KLF8: variants seen among roughly 807,000 people sequenced by gnomAD.
KLF8 encodes Krueppel-like factor 8.
KLF8 carries 10 observed loss-of-function variants against 18.2 expected under a neutral mutation model. The ratio of observed to expected loss-of-function variants is 0.55; its 90% CI spans 0.34 to 0.93. KLF8 has a LOEUF of 0.93. Among genes scored for constraint, KLF8 ranks in the 40% least tolerant of loss-of-function variants. The probability of loss-of-function intolerance (pLI) is 0.02; values close to 1 mark genes in which losing one functional copy is unlikely to be tolerated. For synonymous variants in KLF8, 109 were observed against 97.3 expected (o/e 1.12, Z -0.71); for missense variants, 264 against 277.9 (o/e 0.95, Z 0.36).
chrX:56,119,016 G>A, the KLF8 span, among the ~76,000 whole-genome samples: 3 of 110,396 alleles, frequency 2.7e-5, no homozygotes, highest in Middle Eastern at 4.7e-3. Context: ...AATGTTGTAT[G>A]TAACTCTGTT....
the KLF8 span, among the ~76,000 whole-genome samples, chrX:56,177,230 G>A: frequency 9.0e-6 from 1 of 111,231 alleles, no homozygotes; most frequent in African/African-American, 3.3e-5. Context: ...CATCTTTGTG[G>A]TTTTATCTAC....
the KLF8 span, among the ~76,000 whole-genome samples, chrX:55,954,967 T>A: frequency 9.0e-6 from 1 of 111,652 alleles, no homozygotes; most frequent in East Asian, 2.8e-4. Flanking sequence ...AGAAGGTAGA[T>A]TAATGTTTGA....
chrX:56,069,564 G>T, the KLF8 span, among the ~76,000 whole-genome samples: 1 of 111,837 alleles, frequency 8.9e-6, no homozygotes, highest in African/African-American at 3.2e-5. Context: ...TGGTAGCCAG[G>T]TGAGTCATGC....
At chrX:56,080,021 C>T in the KLF8 span, among the ~76,000 whole-genome samples, 4 of 110,673 alleles carry the variant, frequency 3.6e-5, no homozygotes, top group Non-Finnish European at 5.7e-5. Flanking sequence ...CTCCATCCTT[C>T]TATTTTGAGC....
the KLF8 span, among the ~76,000 whole-genome samples, chrX:56,032,414 A>G: frequency 9.0e-6 from 1 of 111,698 alleles, no homozygotes; most frequent in African/African-American, 3.3e-5. Flanking sequence ...ACCATTCTGT[A>G]ACCACCACTA....
the KLF8 span, among the ~76,000 whole-genome samples, chrX:56,171,578 T>C: frequency 1.8e-5 from 2 of 110,938 alleles, no homozygotes; most frequent in African/African-American, 6.6e-5. Context: ...TGTGTCCAAG[T>C]GTTCTCATTG....
the KLF8 span, among the ~76,000 whole-genome samples, chrX:55,930,157 G>A: frequency 5.6e-4 from 62 of 111,517 alleles, no homozygotes; most frequent in African/African-American, 2.0e-3. Flanking sequence ...GTGAATAGGA[G>A]TTTCACTCAT....
chrX:55,978,954 A>G, the KLF8 span, among the ~76,000 whole-genome samples: 1 of 111,651 alleles, frequency 9.0e-6, no homozygotes, highest in Non-Finnish European at 1.9e-5. Flanking sequence ...AAAAGATAAA[A>G]ATTGGACTTG....
At chrX:56,021,028 T>A in the KLF8 span, among the ~76,000 whole-genome samples, 1 of 112,460 alleles carries the variant, frequency 8.9e-6, no homozygotes, top group Non-Finnish European at 1.9e-5. Flanking sequence ...TAATACAGCA[T>A]ACATATGAAA....
rs60291877 is a variant in KLF8 at position 56,253,764 on chromosome X, C to CTTTTTTTTTTTTTTT, written c.81+3474_81+3475insTTTTTTTTTTTTTTT. ...GTACATAATGTCTTTTTTTCTTTTTCTTTTTTTTTTTTTTGAGATGTTGTC... is the reference window on the plus strand; with the variant it reads ...GTACATAATGTCTTTTTTTCTTTTTCTTTTTTTTTTTTTTTTTTTTTTTTTTTTTGAGATGTTGTC... On this transcript the variant is annotated intron_variant, in intron 2 of 5. Coordinates refer to ENST00000468660, the MANE Select transcript of KLF8 (RefSeq NM_007250.5). Among the ~76,000 whole-genome samples the CTTTTTTTTTTTTTTT allele has an allele frequency of 1.2e-3, 75 of 60,096 alleles. 2 individuals are homozygous for CTTTTTTTTTTTTTTT. The highest frequency in any genetic ancestry group is 1.4e-3 in the Non-Finnish European group (48 of 33,493). The allele number at this position is 60,096 out of a possible 115,157, so 52.2% of individuals were successfully genotyped here. A position where few individuals can be genotyped will look rare whatever the true frequency, so the allele number is the denominator to read the frequency against.
chrX:56,030,341 C>T, the KLF8 span, among the ~76,000 whole-genome samples: 151 of 111,339 alleles, frequency 1.4e-3, no homozygotes, highest in Non-Finnish European at 2.4e-3. Context: ...GCTCCTCTAG[C>T]CATTTAGTTG....
the KLF8 span, among the ~76,000 whole-genome samples, chrX:55,987,004 A>G: frequency 9.1e-6 from 1 of 110,448 alleles, no homozygotes; most frequent in Non-Finnish European, 1.9e-5. Context: ...TATGTACCAT[A>G]TTTTCTTAGT....
At chrX:56,094,766 A>T in the KLF8 span, among the ~76,000 whole-genome samples, 1 of 111,409 alleles carries the variant, frequency 9.0e-6, no homozygotes, top group South Asian at 3.7e-4. Flanking sequence ...CCAAACAACA[A>T]TGGAATTAAA....
chrX:56,165,685 T>G, the KLF8 span, among the ~76,000 whole-genome samples: 1 of 111,207 alleles, frequency 9.0e-6, no homozygotes, highest in Non-Finnish European at 1.9e-5. Flanking sequence ...GACAACATAG[T>G]GAGACCTCAT....
chrX:56,155,171 C>T, the KLF8 span, among the ~76,000 whole-genome samples: 2 of 111,435 alleles, frequency 1.8e-5, no homozygotes, highest in Non-Finnish European at 3.8e-5. Flanking sequence ...TTTATTGTGG[C>T]ACTATTCACA....
At chrX:56,186,407 A>G in the KLF8 span, among the ~76,000 whole-genome samples, 1 of 111,340 alleles carries the variant, frequency 9.0e-6, no homozygotes, top group Non-Finnish European at 1.9e-5. Context: ...AGAGACTTAG[A>G]CTCCCACACA....
chrX:56,169,638 G>T, the KLF8 span, among the ~76,000 whole-genome samples: 2 of 111,715 alleles, frequency 1.8e-5, no homozygotes, highest in African/African-American at 3.3e-5. Flanking sequence ...GAAGCACTGT[G>T]TCTTGTGTTA....
At chrX:56,185,133 T>G in the KLF8 span, among the ~76,000 whole-genome samples, 1 of 111,679 alleles carries the variant, frequency 9.0e-6, no homozygotes, top group Admixed American at 9.5e-5. Flanking sequence ...TGAAAAAAAT[T>G]TAGACGAATG....
At chrX:56,133,031 G>A in the KLF8 span, among the ~76,000 whole-genome samples, 1 of 110,556 alleles carries the variant, frequency 9.0e-6, no homozygotes, top group Non-Finnish European at 1.9e-5. Flanking sequence ...TAAAAAAATG[G>A]CCAACAAAAC....
Sources: allele counts gnomAD v4.1 joint callset (sites outside exome capture counted in the v4.1 genomes callset), GRCh38; gene constraint gnomAD v4.1.1; transcripts MANE v1.5; gene names NCBI Gene and HGNC (gene_info 2026-07-23, HGNC 2026-07-21).